MATN2: variants seen among roughly 807,000 people sequenced by gnomAD.
MATN2 encodes matrilin 2.
MATN2 carries 69 observed loss-of-function variants against 103.2 expected under a neutral mutation model. The observed-to-expected ratio is 0.67, with a 90% CI of 0.55 to 0.82. The LOEUF is 0.82. Ranked by LOEUF, MATN2 falls within the 40% of genes least tolerant of loss-of-function variation. The pLI is 0.00. For missense variants in MATN2, 1,023 were observed against 1,211.5 expected, an observed-to-expected ratio of 0.84 and a Z score of 2.31; for synonymous variants, 429 against 450.2, an observed-to-expected ratio of 0.95 and a Z score of 0.60.
Position 97,879,999 on chromosome 8 carries a change from A to G in MATN2, c.-26-8076A>G, listed in dbSNP as rs578003867. 2.6e-5 allele frequency among the ~76,000 whole-genome samples: 4 copies of G among 152,248 alleles called. No homozygotes were observed. The South Asian group carries it at 6.2e-4, about 24-fold the overall frequency. On this transcript the variant is annotated intron_variant, in intron 1 of 18. Coordinates refer to ENST00000254898, the MANE Select transcript of MATN2 (RefSeq NM_002380.5). Reference sequence around the variant, plus strand: ...TGAACTCATAGAACAGTTGGTGTGCATACCTGGTATGCTGACAAAGAGATC... The same window carrying G: ...TGAACTCATAGAACAGTTGGTGTGCGTACCTGGTATGCTGACAAAGAGATC...
chr8:97,999,424 A>G (rs1812708301), intron 7 of MATN2, among the ~76,000 whole-genome samples: 1 of 152,228 alleles, frequency 6.6e-6, no homozygotes, highest in South Asian at 2.1e-4. Flanking sequence ...AGAGTTGACT[A>G]AAGATCATTT....
At chr8:97,885,278 A>C (rs1188211066) in intron 1 of MATN2, among the ~76,000 whole-genome samples, 3 of 152,246 alleles carry the variant, frequency 2.0e-5, no homozygotes, top group African/African-American at 7.2e-5. Flanking sequence ...TAGCAATAAA[A>C]TCATAAATCA....
intron 13 of MATN2, among the ~76,000 whole-genome samples, chr8:98,023,695 T>A (rs574961629): frequency 6.6e-6 from 1 of 151,376 alleles, no homozygotes; most frequent in African/African-American, 2.4e-5. Context: ...TAATAAAAAA[T>A]AAATAAAGGT....
intron 4 of MATN2, among the ~76,000 whole-genome samples, chr8:97,959,369 C>G (rs1811236935): frequency 6.6e-6 from 1 of 152,116 alleles, no homozygotes; most frequent in Non-Finnish European, 1.5e-5. Flanking sequence ...TATTTATTGA[C>G]TAAATGAATG....
At chr8:97,964,421 C>A (rs895486673) in intron 5 of MATN2, among the ~76,000 whole-genome samples, 4 of 151,866 alleles carry the variant, frequency 2.6e-5, no homozygotes, top group African/African-American at 9.7e-5. Flanking sequence ...ACAGGACAAT[C>A]CCAGTTTATG....
chr8:97,985,416 C>G (rs1447661267), intron 6 of MATN2, among the ~76,000 whole-genome samples: 1 of 152,162 alleles, frequency 6.6e-6, no homozygotes, highest in African/African-American at 2.4e-5. Context: ...TTTATGGGAT[C>G]AAACATCCAA....
intron 13 of MATN2, among the ~76,000 whole-genome samples, chr8:98,023,986 A>T (rs764079430): frequency 5.3e-5 from 8 of 152,210 alleles, no homozygotes; most frequent in Non-Finnish European, 1.0e-4. Context: ...TGGGAGCTGA[A>T]CAATGAGAAC....
rs1814244728 is a variant in MATN2, at chr8:98,036,182, T to G, written c.*470T>G. On this transcript the variant is annotated 3_prime_UTR_variant, in exon 19 of 19. Coordinates refer to ENST00000254898, the MANE Select transcript of MATN2 (RefSeq NM_002380.5). ...GTACTTGTGGAACAAGTTGGATTTT[T>G]TATACAATATTAAAATTCACCACTT... The G allele has an allele frequency of 6.6e-6, 1 of 152,424 alleles. No individual in the cohort carries two copies. Among genetic ancestry groups the G allele is most frequent in the South Asian group, 2.1e-4 (1 of 4,836 alleles). 9.4% of individuals were successfully genotyped at this position (152,424 alleles called of 1,614,324 possible).
intron 2 of MATN2, among the ~76,000 whole-genome samples, chr8:97,902,497 C>CAA (rs35090047): frequency 3.0e-4 from 34 of 113,394 alleles, no homozygotes; most frequent in South Asian, 1.3e-3. Context: ...AACTCCGTCT[C>CAA]AAAAAAAAAA....
chr8:97,891,021 G>C (rs1036369141), intron 2 of MATN2, among the ~76,000 whole-genome samples: 23 of 152,202 alleles, frequency 1.5e-4, no homozygotes, highest in African/African-American at 5.3e-4. Context: ...TCACTCGGCA[G>C]CCTGTGATGT....
rs1004149058 is a variant in MATN2 at position 97,877,895 on chromosome 8, G to A, written c.-27+8608G>A. Reference sequence around the variant, plus strand: ...AGTGTCCAAAGTGTATGTGGGGTAAGGCCCCATGCCCTGTGCCTGGTTGCT... The same window carrying A: ...AGTGTCCAAAGTGTATGTGGGGTAAAGCCCCATGCCCTGTGCCTGGTTGCT... On this transcript the variant is annotated intron_variant, in intron 1 of 18. Transcript: ENST00000254898. Among the ~76,000 whole-genome samples the A allele has an allele frequency of 5.3e-5, 8 of 152,146 alleles. No individual in the cohort carries two copies. The South Asian group carries it at 6.2e-4, about 12-fold the overall frequency.
At chr8:97,965,206 G>A (rs1231512789) in intron 5 of MATN2, among the ~76,000 whole-genome samples, 2 of 152,188 alleles carry the variant, frequency 1.3e-5, no homozygotes, top group Non-Finnish European at 2.9e-5. Context: ...AGGAGATGAA[G>A]TTGAAGACAG....
Position 98,021,327 on chromosome 8 carries a change from A to G in MATN2, c.1942A>G (p.Lys648Glu). 4.3e-6 allele frequency: 7 copies of G among 1,612,906 alleles called. No individual in the cohort carries two copies. Among genetic ancestry groups the G allele is most frequent in the Non-Finnish European group, 5.9e-6 (7 of 1,179,232 alleles). Residue 648 changes from lysine to glutamate, a missense_variant and splice_region_variant, in exon 13 of 19, where the codon AAA becomes GAA. Transcript: ENST00000254898. The stretch of plus-strand genomic sequence containing the variant: ...AGCTGAGGACGGAAGACGGTGCAAG[A>G]GTAAGTGATCTGAACTTGGCTCTCT... ...VLAEDGRRCK[K>E]CTEGPIDLVF...
At chr8:97,972,358 AAAG>A (rs1811686947) in intron 5 of MATN2, among the ~76,000 whole-genome samples, 1 of 151,538 alleles carries the variant, frequency 6.6e-6, no homozygotes, top group Non-Finnish European at 1.5e-5. Context: ...AAAAAAAAGA[AAAG>A]AAAAGAAAAG....
intron 4 of MATN2, among the ~76,000 whole-genome samples, chr8:97,949,780 T>C (rs542782902): frequency 4.7e-4 from 71 of 152,322 alleles, no homozygotes; most frequent in South Asian, 2.7e-3. Context: ...GAATGGGTGA[T>C]ACACTGCAAT....
intron 1 of MATN2, among the ~76,000 whole-genome samples, chr8:97,879,599 A>G (rs1005810253): frequency 6.6e-6 from 1 of 152,226 alleles, no homozygotes; most frequent in Non-Finnish European, 1.5e-5. Flanking sequence ...AGAGGTGGGA[A>G]CACCAGAATT....
chr8:97,965,267 A>AT (rs1811443213), intron 5 of MATN2, among the ~76,000 whole-genome samples: 1 of 152,202 alleles, frequency 6.6e-6, no homozygotes, highest in Non-Finnish European at 1.5e-5. Flanking sequence ...TAAAGCCTAG[A>AT]TTTTATCTCT....
chr8:97,942,443 C>T (rs538325711), intron 4 of MATN2, among the ~76,000 whole-genome samples: 6 of 152,272 alleles, frequency 3.9e-5, no homozygotes, highest in Non-Finnish European at 8.8e-5. Context: ...CTCGCATTCT[C>T]TTTTTTGGCT....
At chr8:97,881,913 C>CTTTTTTTTT (rs34704905) in intron 1 of MATN2, among the ~76,000 whole-genome samples, 8 of 84,108 alleles carry the variant, frequency 9.5e-5, no homozygotes, top group Non-Finnish European at 1.3e-4. Context: ...TATTACTTAT[C>CTTTTTTTTT]TTTTTTTTTT....
Sources: allele counts gnomAD v4.1 joint callset (sites outside exome capture counted in the v4.1 genomes callset), GRCh38; gene constraint gnomAD v4.1.1; transcripts MANE v1.5; gene names NCBI Gene and HGNC (gene_info 2026-07-23, HGNC 2026-07-21).